Variants in ETV5 observed in about 807,000 individuals in gnomAD.
ETV5 encodes ETS variant transcription factor 5, also known as ETS translocation variant 5.
In ETV5, 10 loss-of-function variants were observed where a neutral mutation model predicts 70.0. The observed-to-expected ratio is 0.14, with a 90% CI of 0.09 to 0.24. The LOEUF is 0.24. Ranked by LOEUF, ETV5 falls within the 10% of genes least tolerant of loss-of-function variation. The probability of loss-of-function intolerance (pLI) is 1.00; values close to 1 mark genes in which losing one functional copy is unlikely to be tolerated. For missense variants in ETV5, 453 were observed against 651.2 expected (o/e 0.70, Z 3.31); for synonymous variants, 216 against 242.2 (o/e 0.89, Z 1.01).
chr3:186,071,813 G>A (rs556863186), intron 7 of ETV5, among the ~76,000 whole-genome samples: 1 of 150,972 alleles, frequency 6.6e-6, no homozygotes, highest in South Asian at 2.1e-4. Context: ...CCGTTTCACC[G>A]TTGACATGGA....
chr3:186,092,034 T>C (rs1037573162), intron 5 of ETV5, among the ~76,000 whole-genome samples: 3 of 152,186 alleles, frequency 2.0e-5, no homozygotes, highest in Admixed American at 2.0e-4. Context: ...TTGGGGAAGA[T>C]TTTTGAAATG....
chr3:186,078,636 G>A (rs533972519), intron 7 of ETV5, among the ~76,000 whole-genome samples: 6 of 152,034 alleles, frequency 3.9e-5, no homozygotes, highest in Admixed American at 6.6e-5. Flanking sequence ...AAAGCTCAGC[G>A]GCAGCTGTGT....
At chr3:186,078,980 T>A (rs1013132987) in intron 7 of ETV5, 5 of 902,484 alleles carry the variant, frequency 5.5e-6, no homozygotes, top group Admixed American at 5.4e-5. Context: ...TCCCGCCCCA[T>A]TGTGGCCCCC....
intron 5 of ETV5, among the ~76,000 whole-genome samples, chr3:186,081,809 C>T (rs973807868): frequency 2.6e-5 from 4 of 152,168 alleles, no homozygotes; most frequent in Non-Finnish European, 5.9e-5. Flanking sequence ...ATACAGAAAG[C>T]AGAAAGCCTG....
chr3:186,106,768 A>T (rs1005598967), intron 1 of ETV5, among the ~76,000 whole-genome samples: 1 of 152,078 alleles, frequency 6.6e-6, no homozygotes, highest in African/African-American at 2.4e-5. Flanking sequence ...TCATTTCAGG[A>T]CGGGTAAGTG....
rs573704429 is a variant in ETV5 at position 186,047,984 on chromosome 3, A to G, written c.*655T>C. Reference sequence around the variant, plus strand: ...CTCAGCCACGTGATTGGGAAGAGAAAGGGGGCTTGCTCTACTTGGCGACCA... The same window carrying G: ...CTCAGCCACGTGATTGGGAAGAGAAGGGGGGCTTGCTCTACTTGGCGACCA... On this transcript the variant is annotated 3_prime_UTR_variant, in exon 13 of 13. Coordinates refer to ENST00000306376, the MANE Select transcript of ETV5 (RefSeq NM_004454.3). 1.8e-4 allele frequency: 42 copies of G among 233,384 alleles called. No individual in the cohort carries two copies. The highest frequency in any genetic ancestry group is 1.6e-3 in the South Asian group (9 of 5,522). 14.5% of individuals were successfully genotyped at this position (233,384 alleles called of 1,614,324 possible). A position where few individuals can be genotyped will look rare whatever the true frequency, so the allele number is the denominator to read the frequency against.
intron 7 of ETV5, among the ~76,000 whole-genome samples, chr3:186,075,437 G>C (rs1425468115): frequency 1.3e-5 from 2 of 152,132 alleles, no homozygotes; most frequent in African/African-American, 2.4e-5. Flanking sequence ...TACTTTAAGG[G>C]TAATGAACTT....
In ETV5 at chr3:186,105,781, T is replaced by C; in HGVS notation, c.45+43A>G. The C allele has an allele frequency of 6.2e-7, 1 of 1,610,998 alleles. No homozygotes were observed. The highest frequency in any genetic ancestry group is 8.5e-7 in the Non-Finnish European group (1 of 1,177,182). On this transcript the variant is annotated intron_variant, in intron 2 of 12. Transcript: ENST00000306376. The surrounding 1 kb of genome is among the most constrained non-coding windows in gnomAD (Gnocchi z 4.5). ...AGGTCCACAGGGGGAAGACTCATAT[T>C]GGAGAGGGAGGACAAAACAAACCAA... is the stretch of plus-strand genomic sequence containing the variant.
Position 186,047,143 on chromosome 3 carries a change from A to C in ETV5, c.*1496T>G. 1 of 229,358 alleles carries C rather than the reference A, an allele frequency of 4.4e-6. No homozygotes were observed. Among genetic ancestry groups the C allele is most frequent in the Non-Finnish European group, 8.7e-6 (1 of 115,294 alleles). 14.2% of individuals were successfully genotyped at this position (229,358 alleles called of 1,614,324 possible). A position where few individuals can be genotyped will look rare whatever the true frequency, so the allele number is the denominator to read the frequency against. On this transcript the variant is annotated 3_prime_UTR_variant, in exon 13 of 13. Transcript: ENST00000306376. ...TACTAAGTGTCACGGGGAGCACAGA[A>C]TTCTACCAGCAGAGCAGGCAGCAAG...
intron 7 of ETV5, among the ~76,000 whole-genome samples, chr3:186,074,897 G>T (rs995490882): frequency 6.0e-5 from 9 of 149,378 alleles, no homozygotes; most frequent in African/African-American, 2.0e-4. Flanking sequence ...AAACAAGTTA[G>T]GTTTGTCACA....
chr3:186,092,090 G>C (rs1446148262), intron 5 of ETV5, among the ~76,000 whole-genome samples: 1 of 152,136 alleles, frequency 6.6e-6, no homozygotes, highest in Non-Finnish European at 1.5e-5. Flanking sequence ...AAAAATGCTA[G>C]GCACCTTGCT....
At chr3:186,108,780 G>A in intron 1 of ETV5, 160 bp downstream of exon 1, 2 of 524,018 alleles carry the variant, frequency 3.8e-6, no homozygotes, top group Non-Finnish European at 5.5e-6. Context: ...ACCGGGCCGC[G>A]GGGGGAGGGG....
rs1714555725 is a variant in ETV5, at chr3:186,105,108, C to T, written c.232+197G>A. ...AATTATGTTCAGTAAATCTTACCTG[C>T]AATACAGTAGAAATACTTTAGAAAT... On this transcript the variant is annotated intron_variant, in intron 5 of 12. Coordinates refer to ENST00000306376, the MANE Select transcript of ETV5 (RefSeq NM_004454.3). This position sits in a 1 kb window ranked among gnomAD's most constrained non-coding sequence, Gnocchi z 4.5. The T allele has an allele frequency of 2.0e-6, 1 of 501,276 alleles. No homozygotes were observed. Among genetic ancestry groups the T allele is most frequent in the Non-Finnish European group, 3.5e-6 (1 of 287,770 alleles). 31.1% of individuals were successfully genotyped at this position (501,276 alleles called of 1,614,324 possible). A position where few individuals can be genotyped will look rare whatever the true frequency, so the allele number is the denominator to read the frequency against.
Position 186,048,847 on chromosome 3 carries a change from C to T in ETV5, c.1325G>A (p.Arg442Gln). The T allele has an allele frequency of 6.2e-7, 1 of 1,613,816 alleles. No homozygotes were observed. Among genetic ancestry groups the T allele is most frequent in the Non-Finnish European group, 8.5e-7 (1 of 1,179,904 alleles). The stretch of plus-strand genomic sequence containing the variant: ...GTCACAGACAAATTTGTAGACGTAT[C>T]GCTCTCCAGCCACCTGCGGGAGAAC... ...KGIMQKVAGE[R>Q]YVYKFVCDPD... is the part of the protein sequence containing the mutation. Residue 442 changes from arginine to glutamine, a missense_variant, in exon 13 of 13, where the codon CGA (arginine) becomes CAA (glutamine). Arg to Gln is a conservative substitution (Grantham distance 43, BLOSUM62 1). Around this residue, in one of 4 missense-constraint regions of ETV5, gnomAD observed 74 missense variants for 95.2 expected, o/e 0.78. Coordinates refer to ENST00000306376, the MANE Select transcript of ETV5 (RefSeq NM_004454.3).
At chr3:186,104,266 A>C (rs1034279190) in intron 5 of ETV5, among the ~76,000 whole-genome samples, 5 of 152,140 alleles carry the variant, frequency 3.3e-5, no homozygotes, top group African/African-American at 1.2e-4. Flanking sequence ...CTAGACCATA[A>C]AAGCTCCCAA....
At chr3:186,079,701 A>G (rs1249928265) in intron 7 of ETV5, 116 bp downstream of exon 7, 23 of 1,094,490 alleles carry the variant, frequency 2.1e-5, no homozygotes, top group Admixed American at 1.0e-4. Flanking sequence ...AGCTGCCTCA[A>G]TGTAATGATA....
At chr3:186,101,709 A>C (rs1309308584) in intron 5 of ETV5, among the ~76,000 whole-genome samples, 1 of 152,180 alleles carries the variant, frequency 6.6e-6, no homozygotes, top group African/African-American at 2.4e-5. Flanking sequence ...TTCTTTAAGA[A>C]TATTATTTTA....
chr3:186,066,501 A>G (rs1250366929), intron 7 of ETV5, among the ~76,000 whole-genome samples: 1 of 152,164 alleles, frequency 6.6e-6, no homozygotes, highest in Non-Finnish European at 1.5e-5. Flanking sequence ...CAGTTAGAAA[A>G]TGTAGTTAAA....
Position 186,051,906 on chromosome 3 carries a change from C to G in ETV5, c.1311+124G>C, listed in dbSNP as rs574174932. 2.0e-5 allele frequency: 16 copies of G among 815,678 alleles called. No homozygotes were observed. The African/African-American group carries it at 2.7e-4, about 14-fold the overall frequency. The allele number at this position is 815,678 out of a possible 1,614,324, so 50.5% of individuals were successfully genotyped here. On this transcript the variant is annotated intron_variant, in intron 12 of 12. Coordinates refer to ENST00000306376, the MANE Select transcript of ETV5 (RefSeq NM_004454.3). ...TTTGTCTTCTCAAGATTGTTTCCTACCACAGAATCACTTAGGGGGCTAAAA... is the reference window on the plus strand; with the variant it reads ...TTTGTCTTCTCAAGATTGTTTCCTAGCACAGAATCACTTAGGGGGCTAAAA...
Sources: allele counts gnomAD v4.1 joint callset (sites outside exome capture counted in the v4.1 genomes callset), GRCh38; gene constraint gnomAD v4.1.1; regional missense constraint gnomAD v4.1.1; non-coding constraint Gnocchi (gnomAD v3.1); transcripts MANE v1.5; gene names NCBI Gene and HGNC (gene_info 2026-07-23, HGNC 2026-07-21).